Variants in JARID2 observed in about 807,000 individuals in gnomAD.
JARID2 encodes protein Jumonji.
In JARID2, 21 loss-of-function variants were observed where a neutral mutation model predicts 125.6. That is an observed-to-expected ratio of 0.17 (90% CI 0.12 to 0.24). The LOEUF is 0.24. Among genes scored for constraint, JARID2 ranks in the 10% least tolerant of loss-of-function variants. The pLI, the probability that JARID2 is intolerant of heterozygous loss-of-function variation, is 1.00. For missense variants in JARID2, 1,303 were observed against 1,639.6 expected, an observed-to-expected ratio of 0.79 and a Z score of 3.55; for synonymous variants, 736 against 661.6, an observed-to-expected ratio of 1.11 and a Z score of -1.73.
chr6:15,405,571 G>A (rs889028473), intron 2 of JARID2, among the ~76,000 whole-genome samples: 6 of 152,132 alleles, frequency 3.9e-5, no homozygotes, highest in African/African-American at 1.4e-4. Context: ...AATATTAATA[G>A]AGGAGAACAA....
intron 1 of JARID2, among the ~76,000 whole-genome samples, chr6:15,276,893 C>T (rs960199630): frequency 6.6e-6 from 1 of 152,102 alleles, no homozygotes; most frequent in Non-Finnish European, 1.5e-5. Context: ...GTTTTTGGAC[C>T]TTCCCCCAAG....
chr6:15,375,005 A>G (rs1004905740), intron 2 of JARID2, among the ~76,000 whole-genome samples: 1 of 152,142 alleles, frequency 6.6e-6, no homozygotes, highest in Non-Finnish European at 1.5e-5. Context: ...GGGCAAGGAG[A>G]TGAGAAAGAG....
At chr6:15,494,404 T>C (rs1428880939) in intron 6 of JARID2, among the ~76,000 whole-genome samples, 3 of 132,498 alleles carry the variant, frequency 2.3e-5, no homozygotes, top group East Asian at 2.2e-4. Flanking sequence ...TTGGATGTTT[T>C]TGGCAAGTCT....
chr6:15,491,574 C>T (rs1770152645), intron 6 of JARID2, among the ~76,000 whole-genome samples: 2 of 152,346 alleles, frequency 1.3e-5, no homozygotes, highest in African/African-American at 2.4e-5. Context: ...GGCTCCCTCT[C>T]GTGGAGAAGA....
chr6:15,315,849 C>T (rs749729063), intron 1 of JARID2, among the ~76,000 whole-genome samples: 7 of 152,080 alleles, frequency 4.6e-5, no homozygotes, highest in African/African-American at 1.2e-4. Flanking sequence ...ACGTTGAGTA[C>T]GTTCATTAGT....
intron 1 of JARID2, among the ~76,000 whole-genome samples, chr6:15,357,878 G>C (rs1420426713): frequency 6.6e-6 from 1 of 152,132 alleles, no homozygotes; most frequent in Non-Finnish European, 1.5e-5. Context: ...ACATCTTCCA[G>C]ATGTGTTTCT....
At chr6:15,481,557 A>G (rs1769617454) in intron 5 of JARID2, among the ~76,000 whole-genome samples, 1 of 152,106 alleles carries the variant, frequency 6.6e-6, no homozygotes, top group Non-Finnish European at 1.5e-5. Flanking sequence ...GGTTCCCACG[A>G]CACTTAAAAT....
intron 1 of JARID2, among the ~76,000 whole-genome samples, chr6:15,300,909 A>G (rs534250352): frequency 6.6e-6 from 1 of 152,180 alleles, no homozygotes; most frequent in Admixed American, 6.5e-5. Context: ...TGACAGAAAA[A>G]GGTTAAGGTT....
chr6:15,475,650 G>A (rs995178378), intron 5 of JARID2, among the ~76,000 whole-genome samples: 1 of 152,202 alleles, frequency 6.6e-6, no homozygotes, highest in Non-Finnish European at 1.5e-5. Context: ...TGATTTTGGA[G>A]TGCCTTGGTG....
intron 8 of JARID2, 64 bp from the exon 9 acceptor site, chr6:15,504,435 TG>T: frequency 1.7e-6 from 2 of 1,209,270 alleles, no homozygotes; most frequent in Non-Finnish European, 2.5e-6. Context: ...GACAGGTGTC[TG>T]GCCTCATTTG....
rs140011539 is a variant in JARID2 at position 15,401,154 on chromosome 6, C to CTATA, written c.182-9054_182-9051dup. 7.0e-3 allele frequency: 5,638 copies of CTATA among 807,202 alleles called. 215 individuals are homozygous for CTATA. The African/African-American group carries it at 0.086, about 12-fold the overall frequency. The allele number at this position is 807,202 out of a possible 1,614,324, so 50.0% of individuals were successfully genotyped here. ...TAAATCCATTGTGGATGGCAAGGTG[C>CTATA]TATATATATATATATATATGAGAGA... On this transcript the variant is annotated intron_variant, in intron 2 of 17. Coordinates refer to ENST00000341776, the MANE Select transcript of JARID2 (RefSeq NM_004973.4).
chr6:15,324,862 A>G (rs905851984), intron 1 of JARID2, among the ~76,000 whole-genome samples: 1 of 151,550 alleles, frequency 6.6e-6, no homozygotes, highest in Non-Finnish European at 1.5e-5. Flanking sequence ...AAAAAAAAAA[A>G]AGAAAAGAAT....
intron 1 of JARID2, among the ~76,000 whole-genome samples, chr6:15,287,802 C>T (rs1476393696): frequency 6.6e-6 from 1 of 152,194 alleles, no homozygotes; most frequent in African/African-American, 2.4e-5. Flanking sequence ...CCCATAGCTG[C>T]ACCCTCTACT....
chr6:15,359,627 G>C (rs1763722919), intron 1 of JARID2, among the ~76,000 whole-genome samples: 5 of 152,064 alleles, frequency 3.3e-5, no homozygotes, highest in Admixed American at 3.3e-4. Context: ...TGGGGGGTGT[G>C]TGTTAGAGAG....
At chr6:15,409,819 G>C (rs186599399) in intron 2 of JARID2, among the ~76,000 whole-genome samples, 1 of 152,146 alleles carries the variant, frequency 6.6e-6, no homozygotes, top group South Asian at 2.1e-4. Context: ...GTTCCTGCAG[G>C]CAATTCCAGA....
chr6:15,487,350 T>A lies in JARID2; in HGVS notation c.714T>A (p.Val238=), dbSNP rs1372677059. The part of the protein sequence containing the change: ...SSRSTREKEP[V]QKHKSKEATP... Reference sequence around the variant, plus strand: ...GGTCAACACGGGAGAAGGAACCTGTTCAAAAACACAAAAGCAAAGAGGCCA... The same window carrying A: ...GGTCAACACGGGAGAAGGAACCTGTACAAAAACACAAAAGCAAAGAGGCCA... Residue 238 remains valine, a synonymous_variant, in exon 6 of 18, where the codon GTT becomes GTA. Transcript: ENST00000341776. The A allele has an allele frequency of 1.9e-6, 3 of 1,614,078 alleles. No individual in the cohort carries two copies. The highest frequency in any genetic ancestry group is 3.3e-5 in the Admixed American group (2 of 60,022).
intron 1 of JARID2, among the ~76,000 whole-genome samples, chr6:15,347,569 C>T (rs1275524992): frequency 1.3e-5 from 2 of 152,066 alleles, no homozygotes; most frequent in African/African-American, 4.8e-5. Context: ...TATTGTTGAG[C>T]TTGTGTAAGA....
At chr6:15,437,417 C>T (rs1007768650) in intron 3 of JARID2, among the ~76,000 whole-genome samples, 3 of 152,212 alleles carry the variant, frequency 2.0e-5, no homozygotes, top group African/African-American at 4.8e-5. Context: ...TCCTTATGCA[C>T]TGTCCTTTAC....
At chr6:15,470,288 T>C (rs1769013495) in intron 5 of JARID2, among the ~76,000 whole-genome samples, 1 of 152,202 alleles carries the variant, frequency 6.6e-6, no homozygotes, top group Non-Finnish European at 1.5e-5. Flanking sequence ...AGACATACTT[T>C]ACTTAGGACC....
Sources: gnomAD v4.1 joint callset for allele counts (sites outside exome capture counted in the v4.1 genomes callset) on GRCh38, gnomAD v4.1.1 for gene constraint, MANE v1.5 for transcripts, NCBI Gene and HGNC (gene_info 2026-07-23, HGNC 2026-07-21) for gene names.